Variants in KANSL1 observed in about 807,000 individuals in gnomAD.
The protein encoded by KANSL1 is MLL1/MLL complex subunit KANSL1.
A neutral mutation model predicts 103.6 loss-of-function variants in KANSL1; 22 were observed. The observed-to-expected ratio is 0.21, with a 90% CI of 0.15 to 0.30. KANSL1 has a LOEUF of 0.30. Ranked by LOEUF, KANSL1 falls within the 10% of genes least tolerant of loss-of-function variation. KANSL1 has a pLI of 1.00. For synonymous variants in KANSL1, 600 were observed against 527.6 expected (o/e 1.14, Z -1.88); for missense variants, 1,337 against 1,399.8 (o/e 0.96, Z 0.72).
chr17:46,167,247 T>C (rs1219899413), intron 2 of KANSL1, among the ~76,000 whole-genome samples: 1 of 151,212 alleles, frequency 6.6e-6, no homozygotes, highest in Non-Finnish European at 1.5e-5. Flanking sequence ...GTGGAATGGG[T>C]CCAGGAATTA....
At chr17:46,180,842 A>G (rs543742963) in intron 1 of KANSL1, among the ~76,000 whole-genome samples, 1 of 152,356 alleles carries the variant, frequency 6.6e-6, no homozygotes, top group South Asian at 2.1e-4. Context: ...TCTGAAAAAT[A>G]AAAAGTATAT....
intron 2 of KANSL1, among the ~76,000 whole-genome samples, chr17:46,117,954 T>A (rs2043115917): frequency 6.6e-6 from 1 of 152,228 alleles, no homozygotes; most frequent in Non-Finnish European, 1.5e-5. Flanking sequence ...AAAACTACTA[T>A]CTGTTAGGCT....
At chr17:46,144,389 T>C (rs965502511) in intron 2 of KANSL1, among the ~76,000 whole-genome samples, 13 of 152,256 alleles carry the variant, frequency 8.5e-5, no homozygotes, top group African/African-American at 3.1e-4. Context: ...AGCAGTCTAC[T>C]AATTGCATAT....
rs62060798 is a variant in KANSL1, at chr17:46,066,786, T to C, written c.1653-54A>G. The stretch of plus-strand genomic sequence containing the variant: ...AGAACACACAAAGAAACAAAATAAA[T>C]AAACAACAAGAAAACACAAAGAAAC... On this transcript the variant is annotated intron_variant, in intron 5 of 14. Coordinates refer to ENST00000432791, the MANE Select transcript of KANSL1 (RefSeq NM_015443.4). 239,684 of 1,303,782 alleles carry C rather than the reference T, an allele frequency of 0.18. 26,021 individuals are homozygous for C. Among genetic ancestry groups the C allele is most frequent in the Non-Finnish European group, 0.22 (203,808 of 934,438 alleles). 80.8% of individuals were successfully genotyped at this position (1,303,782 alleles called of 1,614,324 possible).
At chr17:46,174,870 C>G (rs888404689) in intron 1 of KANSL1, among the ~76,000 whole-genome samples, 3 of 152,176 alleles carry the variant, frequency 2.0e-5, no homozygotes, top group Non-Finnish European at 4.4e-5. Flanking sequence ...GATGGAATTT[C>G]ATTTTGTTGC....
chr17:46,175,318 G>C (rs941190934), intron 1 of KANSL1, among the ~76,000 whole-genome samples: 32 of 69,310 alleles, frequency 4.6e-4, no homozygotes, highest in East Asian at 3.5e-3. Flanking sequence ...TGCTGTGTGT[G>C]TGTGTGTGTG....
chr17:46,094,746 T>C, intron 2 of KANSL1, 45 bp from the exon 3 acceptor site: 1 of 1,610,622 alleles, frequency 6.2e-7, no homozygotes, highest in Non-Finnish European at 8.5e-7. Flanking sequence ...AGCAGTAATA[T>C]CTATACCAGA....
At chr17:46,071,034 A>G (rs952555290) in intron 4 of KANSL1, among the ~76,000 whole-genome samples, 17 of 152,226 alleles carry the variant, frequency 1.1e-4, no homozygotes, top group Non-Finnish European at 2.1e-4. Context: ...CGATCCATAT[A>G]GCTAACTACT....
At chr17:46,128,713 C>T (rs1122380) in intron 2 of KANSL1, among the ~76,000 whole-genome samples, 21,645 of 151,942 alleles carry the variant, frequency 0.14, 2,124 homozygotes, top group Non-Finnish European at 0.22. Flanking sequence ...AGGCAAACAG[C>T]ATGGCTGGAG....
chr17:46,170,679 T>A, intron 2 of KANSL1, 176 bp downstream of exon 2: 1 of 696,980 alleles, frequency 1.4e-6, no homozygotes, highest in Non-Finnish European at 2.3e-6. Flanking sequence ...AGCAAAAGTA[T>A]CTTCCCCTTC....
intron 4 of KANSL1, among the ~76,000 whole-genome samples, chr17:46,073,999 G>C (rs1268260377): frequency 6.6e-6 from 1 of 152,104 alleles, no homozygotes; most frequent in African/African-American, 2.4e-5. Flanking sequence ...ATATAGATGT[G>C]TGTGTATGCA....
At chr17:46,067,765 C>T in intron 4 of KANSL1, 98 bp from the exon 5 acceptor site, 1 of 669,494 alleles carries the variant, frequency 1.5e-6, no homozygotes. Context: ...CCTAAAACTT[C>T]TGATGATCAA....
At chr17:46,072,621 T>G (rs2078618994) in intron 4 of KANSL1, among the ~76,000 whole-genome samples, 1 of 152,188 alleles carries the variant, frequency 6.6e-6, no homozygotes, top group Non-Finnish European at 1.5e-5. Flanking sequence ...ACTAGCCATT[T>G]CCATTAGCTA....
intron 2 of KANSL1, among the ~76,000 whole-genome samples, chr17:46,096,472 C>G (rs1481365584): frequency 4.0e-5 from 6 of 151,634 alleles, no homozygotes; most frequent in Non-Finnish European, 7.4e-5. Context: ...AGGCATGCGC[C>G]ACCATGCCCG....
At chr17:46,157,767 G>A (rs1260812356) in intron 2 of KANSL1, among the ~76,000 whole-genome samples, 1 of 152,246 alleles carries the variant, frequency 6.6e-6, no homozygotes, top group Non-Finnish European at 1.5e-5. Context: ...TTGGGCAGAA[G>A]CAAAATGAGT....
intron 2 of KANSL1, among the ~76,000 whole-genome samples, chr17:46,147,369 T>A (rs1198008611): frequency 6.6e-6 from 1 of 151,968 alleles, no homozygotes; most frequent in East Asian, 1.9e-4. Context: ...AGTTCAGGAG[T>A]TCACGACCAG....
At chr17:46,128,071 T>C (rs1486916237) in intron 2 of KANSL1, among the ~76,000 whole-genome samples, 1 of 152,126 alleles carries the variant, frequency 6.6e-6, no homozygotes, top group South Asian at 2.1e-4. Flanking sequence ...CTGCCTGGGC[T>C]TTCCAAAGTG....
upstream of KANSL1, among the ~76,000 whole-genome samples, chr17:46,198,236 T>G (rs1654865001): frequency 6.6e-6 from 1 of 152,168 alleles, no homozygotes; most frequent in African/African-American, 2.4e-5. Flanking sequence ...GTACGTATTC[T>G]GCTCTGTAAA....
chr17:46,217,682 A>C (rs1333458013), intron 1 of KANSL1, among the ~76,000 whole-genome samples: 1 of 152,132 alleles, frequency 6.6e-6, no homozygotes, highest in East Asian at 1.9e-4. Flanking sequence ...TAAGGTCAGG[A>C]GTTTGAGACC....
Sources: allele counts gnomAD v4.1 joint callset (sites outside exome capture counted in the v4.1 genomes callset), GRCh38; gene constraint gnomAD v4.1.1; transcripts MANE v1.5; gene names NCBI Gene and HGNC (gene_info 2026-07-23, HGNC 2026-07-21).